Variants in APC observed in about 807,000 individuals in gnomAD.
APC encodes the protein adenomatous polyposis coli protein.
APC carries 72 observed loss-of-function variants against 247.0 expected under a neutral mutation model. The ratio of observed to expected loss-of-function variants is 0.29; its 90% confidence interval spans 0.24 to 0.35. The LOEUF is 0.35. Among genes scored for constraint, APC ranks in the 10% least tolerant of loss-of-function variants. The probability of loss-of-function intolerance (pLI) is 1.00; values close to 1 mark genes in which losing one functional copy is unlikely to be tolerated. For synonymous variants in APC, 1,254 were observed against 1,162.5 expected (o/e 1.08, Z -1.60); for missense variants, 3,400 against 3,360.7 (o/e 1.01, Z -0.29).
At chr5:112,804,629 C>T (rs367688511) in intron 8 of APC, among the ~76,000 whole-genome samples, 1 of 152,316 alleles carries the variant, frequency 6.6e-6, no homozygotes, top group East Asian at 1.9e-4. Flanking sequence ...CCTCCCGCCT[C>T]GGCCTCCCAA....
At chr5:112,791,356 A>T (rs1759563654) in intron 6 of APC, among the ~76,000 whole-genome samples, 1 of 152,196 alleles carries the variant, frequency 6.6e-6, no homozygotes, top group South Asian at 2.1e-4. Context: ...AAATACTACT[A>T]ACTTATGACA....
rs756807560 is a variant in APC, at chr5:112,815,491, T to G, written c.835-4T>G. 5.6e-6 allele frequency: 9 copies of G among 1,609,032 alleles called. No homozygotes were observed. The highest frequency in any genetic ancestry group is 6.8e-6 in the Non-Finnish European group (8 of 1,176,390). On this transcript the variant is annotated splice_region_variant and splice_polypyrimidine_tract_variant and intron_variant, in intron 8 of 15. Coordinates refer to ENST00000257430, the MANE Select transcript of APC (RefSeq NM_000038.6). ...ATACCATCTATAATGTGCTTAATTTTTAGGGTTCAACTACACGAATGGACC... is the reference window on the plus strand; with the variant it reads ...ATACCATCTATAATGTGCTTAATTTGTAGGGTTCAACTACACGAATGGACC...
At chr5:112,724,106 A>T (rs1162704805) in intron 1 of APC, among the ~76,000 whole-genome samples, 3 of 152,254 alleles carry the variant, frequency 2.0e-5, no homozygotes, top group Non-Finnish European at 4.4e-5. Context: ...TATTGTTAGT[A>T]AAGATGAAAA....
intron 4 of APC, among the ~76,000 whole-genome samples, chr5:112,772,644 G>T (rs964607920): frequency 6.6e-6 from 1 of 151,494 alleles, no homozygotes; most frequent in Non-Finnish European, 1.5e-5. Context: ...AGCCTCCCAA[G>T]CAGCTAGGAC....
In APC at chr5:112,775,796, C is replaced by T. The variant is rs541763063; in HGVS notation, c.531+59C>T. On this transcript the variant is annotated intron_variant, in intron 5 of 15. Transcript: ENST00000257430. ...TTTAATAACTTGATATTTTAAAGTA[C>T]CTAGGTAATCCATTAAAATTCAGGA... is the stretch of plus-strand genomic sequence containing the variant. 3.5e-5 allele frequency: 31 copies of T among 885,898 alleles called. 1 individual carries two copies. Among genetic ancestry groups the T allele is most frequent in the African/African-American group, 2.9e-4 (17 of 59,296 alleles). 54.9% of individuals were successfully genotyped at this position (885,898 alleles called of 1,614,324 possible).
exon 1 of APC, chr5:112,707,632 G>T (rs926522652): frequency 7.5e-7 from 1 of 1,334,538 alleles, no homozygotes; most frequent in South Asian, 1.2e-5. Context: ...ACCGAGGTTG[G>T]CTCGATGCTG....
Position 112,843,730 on chromosome 5 carries a change from C to T in APC, c.8136C>T (p.Pro2712=), listed in dbSNP as rs2149999792. 1 of 1,614,038 alleles carries T rather than the reference C, an allele frequency of 6.2e-7. No homozygotes were observed. The highest frequency in any genetic ancestry group is 8.5e-7 in the Non-Finnish European group (1 of 1,179,942). The change falls in exon 16 of 16, where the codon CCC becomes CCT. Residue 2712 remains proline (P), a synonymous_variant. Transcript: ENST00000257430. The surrounding 1 kb of genome is among the most constrained non-coding windows in gnomAD (Gnocchi z 4.8). ...AAAATGTGGGTAATGGCAGTGTTCCCATGCGTACCGTGGGTTTGGAAAATC... is the reference window on the plus strand; with the variant it reads ...AAAATGTGGGTAATGGCAGTGTTCCTATGCGTACCGTGGGTTTGGAAAATC... ...AKQNVGNGSV[P]MRTVGLENRL...
At chr5:112,755,699 A>G (rs1396006837) in intron 2 of APC, among the ~76,000 whole-genome samples, 3 of 152,204 alleles carry the variant, frequency 2.0e-5, no homozygotes, top group Non-Finnish European at 4.4e-5. Flanking sequence ...TATAGTGGGG[A>G]AAATGTTCTG....
intron 8 of APC, among the ~76,000 whole-genome samples, chr5:112,811,952 C>T (rs1762025459): frequency 6.6e-6 from 1 of 152,148 alleles, no homozygotes; most frequent in African/African-American, 2.4e-5. Context: ...TCTAAGTTCA[C>T]TTACGGCTAT....
At chr5:112,817,686 A>G (rs572018042) in intron 9 of APC, among the ~76,000 whole-genome samples, 2 of 152,268 alleles carry the variant, frequency 1.3e-5, no homozygotes, top group East Asian at 3.9e-4. Context: ...TAATATTAAG[A>G]CCCTAGTATG....
At chr5:112,796,066 A>G (rs1427063760) in intron 7 of APC, among the ~76,000 whole-genome samples, 1 of 152,246 alleles carries the variant, frequency 6.6e-6, no homozygotes, top group Non-Finnish European at 1.5e-5. Flanking sequence ...GCTGAGCATC[A>G]GTCATATGTA....
At chr5:112,808,188 C>T (rs1312477196) in intron 8 of APC, among the ~76,000 whole-genome samples, 1 of 152,032 alleles carries the variant, frequency 6.6e-6, no homozygotes, top group Non-Finnish European at 1.5e-5. Context: ...TAAATAACTG[C>T]AGTGGCATTA....
intron 1 of APC, among the ~76,000 whole-genome samples, chr5:112,722,023 GCCTAAAGTAC>G (rs1396891364): frequency 2.6e-5 from 4 of 152,098 alleles, no homozygotes; most frequent in African/African-American, 4.8e-5. Flanking sequence ...CTATCTCCTG[GCCTAAAGTAC>G]ATAGGATGTG....
chr5:112,712,945 C>T (rs1369287906), intron 1 of APC, among the ~76,000 whole-genome samples: 1 of 151,890 alleles, frequency 6.6e-6, no homozygotes, highest in African/African-American at 2.4e-5. Context: ...CTGAGGCGGG[C>T]GGATCACTTG....
In APC at chr5:112,839,193, G is replaced by A. The variant is rs1423401618; in HGVS notation, c.3599G>A (p.Ser1200Asn). Residue 1200 changes from serine (S) to asparagine (N), a missense_variant, in exon 16 of 16, where the codon AGT becomes AAT. Ser to Asn is a conservative substitution (Grantham distance 46). This residue lies in a region of APC where 715 missense variants were observed against 656.6 expected (regional missense o/e 1.09). Transcript: ENST00000257430. The surrounding 1 kb of genome is among the most constrained non-coding windows in gnomAD (Gnocchi z 5.0). ...AAACAGTCATTTTCATTCTCAAAGA[G>A]TTCATCTGGACAAAGCAGTAAAACC... ...SQKQSFSFSK[S>N]SSGQSSKTEH... 1 of 1,614,116 alleles carries A rather than the reference G, an allele frequency of 6.2e-7. No individual in the cohort carries two copies. Among genetic ancestry groups the A allele is most frequent in the South Asian group, 1.1e-5 (1 of 91,086 alleles).
intron 2 of APC, among the ~76,000 whole-genome samples, chr5:112,761,201 C>T (rs1307617866): frequency 2.0e-5 from 3 of 152,096 alleles, no homozygotes; most frequent in African/African-American, 7.2e-5. Flanking sequence ...TACTATCAAT[C>T]ATCTTAAGTC....
intron 1 of APC, among the ~76,000 whole-genome samples, chr5:112,742,194 A>G (rs1449485568): frequency 6.6e-6 from 1 of 152,078 alleles, no homozygotes; most frequent in Non-Finnish European, 1.5e-5. Flanking sequence ...TTTAAGATCT[A>G]TCCATTTTAC....
intron 10 of APC, 58 bp downstream of exon 10, chr5:112,819,402 A>G (rs2149784680): frequency 1.2e-6 from 2 of 1,606,802 alleles, no homozygotes; most frequent in Non-Finnish European, 8.5e-7. Context: ...TGAAATTTTT[A>G]AACAGAAAAC....
chr5:112,845,791 G>A lies in APC; in HGVS notation c.*1665G>A. On this transcript the variant is annotated 3_prime_UTR_variant, in exon 16 of 16. Transcript: ENST00000257430. Reference sequence around the variant, plus strand: ...CCTGATTTGTTTTAAAAGATCAGAGGGTGACTGATGATACATGCATACATA... The same window carrying A: ...CCTGATTTGTTTTAAAAGATCAGAGAGTGACTGATGATACATGCATACATA... 1 of 231,972 alleles carries A rather than the reference G, an allele frequency of 4.3e-6. No individual in the cohort carries two copies. Among genetic ancestry groups the A allele is most frequent in the East Asian group, 6.1e-5 (1 of 16,370 alleles). 14.4% of individuals were successfully genotyped at this position (231,972 alleles called of 1,614,324 possible).
Sources: gnomAD v4.1 joint callset for allele counts (sites outside exome capture counted in the v4.1 genomes callset) on GRCh38, gnomAD v4.1.1 for gene constraint, gnomAD v4.1.1 regional missense constraint, Gnocchi (gnomAD v3.1) non-coding constraint, MANE v1.5 for transcripts, NCBI Gene and HGNC (gene_info 2026-07-23, HGNC 2026-07-21) for gene names.